PREX2: variants seen among roughly 807,000 people sequenced by gnomAD.
PREX2 encodes the protein phosphatidylinositol 3,4,5-trisphosphate-dependent Rac exchanger 2 protein.
PREX2 carries 107 observed loss-of-function variants against 203.2 expected under a neutral mutation model. That is an observed-to-expected ratio of 0.53 (90% CI 0.45 to 0.62). The LOEUF is 0.62. PREX2 is among the 20% of genes least tolerant of loss of function. PREX2 has a pLI of 0.00. For synonymous variants in PREX2, 672 were observed against 663.6 expected (o/e 1.01, Z -0.19); for missense variants, 1,777 against 1,955.9 (o/e 0.91, Z 1.72).
chr8:68,184,166 C>T (rs1176934083), intron 35 of PREX2, among the ~76,000 whole-genome samples: 1 of 152,158 alleles, frequency 6.6e-6, no homozygotes, highest in Non-Finnish European at 1.5e-5. Flanking sequence ...CACCTTTCCA[C>T]TCATCGTCGT....
chr8:68,185,165 A>G (rs1326787046), intron 35 of PREX2, among the ~76,000 whole-genome samples: 2 of 152,184 alleles, frequency 1.3e-5, no homozygotes, highest in African/African-American at 2.4e-5. Context: ...TTGATGAGTC[A>G]TGTATTTCCT....
rs1323640991 is a variant in PREX2, at chr8:68,118,544, T to A, written c.3327-6T>A. ...CTTACAGTAACATGAAACCTGTTGT[T>A]TTCAGTGACTGCAACAGCAATAGGA... On this transcript the variant is annotated splice_region_variant and splice_polypyrimidine_tract_variant and intron_variant, in intron 26 of 39. Coordinates refer to ENST00000288368, the MANE Select transcript of PREX2 (RefSeq NM_024870.4). The A allele has an allele frequency of 6.2e-7, 1 of 1,611,000 alleles. No individual in the cohort carries two copies. The highest frequency in any genetic ancestry group is 8.5e-7 in the Non-Finnish European group (1 of 1,177,314).
intron 23 of PREX2, chr8:68,105,512 G>C: frequency 1.7e-6 from 2 of 1,156,242 alleles, no homozygotes; most frequent in South Asian, 3.6e-5. Context: ...TCTTCTGCCA[G>C]CTCTCCCCGA....
At chr8:68,012,984 A>G (rs1425873952) in intron 1 of PREX2, among the ~76,000 whole-genome samples, 1 of 152,210 alleles carries the variant, frequency 6.6e-6, no homozygotes, top group Non-Finnish European at 1.5e-5. Flanking sequence ...TTGCTAATGA[A>G]TATTTGGGAA....
intron 1 of PREX2, among the ~76,000 whole-genome samples, chr8:67,957,818 A>C (rs556900841): frequency 6.6e-6 from 1 of 152,342 alleles, no homozygotes; most frequent in Non-Finnish European, 1.5e-5. Flanking sequence ...CAGGAGTCAT[A>C]TGTTGAAGTC....
intron 26 of PREX2, among the ~76,000 whole-genome samples, chr8:68,116,851 T>A (rs1399069972): frequency 2.6e-5 from 4 of 152,176 alleles, no homozygotes; most frequent in Non-Finnish European, 4.4e-5. Context: ...ATACTTTCCC[T>A]CCAAACTCTG....
chr8:68,062,476 G>A (rs534833998), intron 11 of PREX2, among the ~76,000 whole-genome samples: 8 of 152,224 alleles, frequency 5.3e-5, no homozygotes, highest in South Asian at 2.1e-4. Context: ...CTGACACCTC[G>A]CATTGTACCT....
chr8:68,069,975 T>C (rs1809149714), intron 13 of PREX2, 91 bp downstream of exon 13: 2 of 667,598 alleles, frequency 3.0e-6, no homozygotes, highest in Admixed American at 5.3e-5. Flanking sequence ...CTTGTTGGCT[T>C]ATTTTGTTTT....
chr8:68,000,290 C>G (rs1806903217), intron 1 of PREX2, among the ~76,000 whole-genome samples: 1 of 152,084 alleles, frequency 6.6e-6, no homozygotes, highest in Non-Finnish European at 1.5e-5. Context: ...GTTAACATGC[C>G]CATATATCAA....
At position 68,031,019 on chromosome 8, in the gene PREX2, G is replaced by C. The variant is rs757512399; in HGVS notation, c.705+361G>C. ...GAAGAAGGGAAGGAAAGTTCAGTAG[G>C]TGTGCTGTGATATTACTTTCAGACT... On this transcript the variant is annotated intron_variant, in intron 6 of 39. Coordinates refer to ENST00000288368, the MANE Select transcript of PREX2 (RefSeq NM_024870.4). 1.2e-4 allele frequency among the ~76,000 whole-genome samples: 19 copies of C among 152,092 alleles called. 1 individual carries two copies. Among genetic ancestry groups the C allele is most frequent in the South Asian group, 2.1e-4 (1 of 4,824 alleles).
In PREX2 at chr8:68,044,546, T is replaced by C. The variant is rs1320143244; in HGVS notation, c.899T>C (p.Ile300Thr). Residue 300 changes from isoleucine to threonine, a missense_variant, in exon 8 of 40, where the codon ATC becomes ACC. Ile to Thr is a moderately conservative substitution (Grantham distance 89, BLOSUM62 -1). Coordinates refer to ENST00000288368, the MANE Select transcript of PREX2 (RefSeq NM_024870.4). ...DGHRYLFRGR[I>T]NTEVMEVENV... ...CATCGGTACCTTTTTCGTGGCCGGA[T>C]CAACACGGAGGTGATGGAAGTGGAG... 2 of 1,613,226 alleles carry C rather than the reference T, an allele frequency of 1.2e-6. No homozygotes were observed. Among genetic ancestry groups the C allele is most frequent in the Admixed American group, 3.3e-5 (2 of 59,954 alleles).
intron 35 of PREX2, among the ~76,000 whole-genome samples, chr8:68,169,307 G>C (rs2129614180): frequency 6.6e-6 from 1 of 152,140 alleles, no homozygotes; most frequent in South Asian, 2.1e-4. Context: ...CTTGGCACTA[G>C]ATAACACCAA....
intron 13 of PREX2, among the ~76,000 whole-genome samples, chr8:68,071,683 A>G (rs1200995138): frequency 2.6e-5 from 4 of 152,206 alleles, no homozygotes; most frequent in Non-Finnish European, 5.9e-5. Flanking sequence ...AATCTACTGA[A>G]CGGAGAGTCT....
rs777532396 is a variant in PREX2, at chr8:68,097,167, T to C, written c.2519T>C (p.Ile840Thr). The C allele has an allele frequency of 1.9e-6, 3 of 1,613,800 alleles. No individual in the cohort carries two copies. The highest frequency in any genetic ancestry group is 2.2e-5 in the South Asian group (2 of 91,036). ...AAGTGCAATGTGGTGGAAAAGATGA[T>C]TGAGCCCAAAGGTTTCTTCAGCTTA... The part of the protein sequence containing the change: ...GIKCNVVEKM[I>T]EPKGFFSLTA... The change falls in exon 22 of 40, where the codon ATT (isoleucine) becomes ACT (threonine). Residue 840 changes from isoleucine to threonine, a missense_variant. Physicochemically the swap from Ile to Thr is moderately conservative, Grantham distance 89. Transcript: ENST00000288368.
chr8:68,097,619 C>T (rs1810125005), intron 22 of PREX2, among the ~76,000 whole-genome samples: 1 of 152,176 alleles, frequency 6.6e-6, no homozygotes, highest in African/African-American at 2.4e-5. Flanking sequence ...GCCGCTGTGC[C>T]CAGCCTCATT....
chr8:68,079,207 T>C (rs1251899668), intron 15 of PREX2, among the ~76,000 whole-genome samples: 3 of 152,224 alleles, frequency 2.0e-5, no homozygotes, highest in Non-Finnish European at 4.4e-5. Context: ...CTGTTGCTAA[T>C]TATGGCTTCC....
intron 18 of PREX2, 22 bp downstream of exon 18, chr8:68,083,410 T>C: frequency 6.4e-7 from 1 of 1,565,616 alleles, no homozygotes; most frequent in Non-Finnish European, 8.7e-7. Context: ...GATTTATGTG[T>C]GATTTTTTAA....
chr8:68,157,026 T>C (rs1811554899), intron 34 of PREX2, among the ~76,000 whole-genome samples: 2 of 152,304 alleles, frequency 1.3e-5, no homozygotes, highest in Admixed American at 1.3e-4. Flanking sequence ...CCTACAGTTA[T>C]ATTTTGGAGC....
At chr8:68,162,086 A>G (rs1292165361) in intron 35 of PREX2, among the ~76,000 whole-genome samples, 1 of 152,154 alleles carries the variant, frequency 6.6e-6, no homozygotes, top group Non-Finnish European at 1.5e-5. Flanking sequence ...CACCCCCATA[A>G]TTCAATTACC....
Sources: gnomAD v4.1 joint callset for allele counts (sites outside exome capture counted in the v4.1 genomes callset) on GRCh38, gnomAD v4.1.1 for gene constraint, MANE v1.5 for transcripts, NCBI Gene and HGNC (gene_info 2026-07-23, HGNC 2026-07-21) for gene names.